Variants in GPR160 observed in about 807,000 individuals in gnomAD.
The protein encoded by GPR160 is probable G protein-coupled receptor 160.
A neutral mutation model predicts 2.6 loss-of-function variants in GPR160; 2 were observed. The observed-to-expected ratio is 0.77, with a 90% CI of 0.32 to 2.44. The LOEUF (loss-of-function observed/expected upper bound fraction) is 2.44, where lower values mean the gene tolerates loss of function less well. GPR160 is among the 30% of genes most tolerant of loss of function. The pLI is 0.11. For missense variants in GPR160, 351 were observed against 383.6 expected, an observed-to-expected ratio of 0.91 and a Z score of 0.71; for synonymous variants, 130 against 132.2, an observed-to-expected ratio of 0.98 and a Z score of 0.12.
chr3:170,080,862 G>A (rs1182920212), intron 3 of GPR160, among the ~76,000 whole-genome samples: 1 of 151,980 alleles, frequency 6.6e-6, no homozygotes, highest in Non-Finnish European at 1.5e-5. Flanking sequence ...CACCACACCC[G>A]AGTAATTTTT....
At chr3:170,044,723 C>T (rs1416000170) in intron 2 of GPR160, among the ~76,000 whole-genome samples, 1 of 152,192 alleles carries the variant, frequency 6.6e-6, no homozygotes, top group Non-Finnish European at 1.5e-5. Context: ...CTCACTGTAG[C>T]TGCTCTGAGC....
At chr3:170,078,239 A>G (rs1289734056) in intron 2 of GPR160, among the ~76,000 whole-genome samples, 5 of 152,138 alleles carry the variant, frequency 3.3e-5, no homozygotes, top group Admixed American at 3.3e-4. Context: ...TCCCAGTAAC[A>G]TCTTTAACAT....
intron 3 of GPR160, among the ~76,000 whole-genome samples, chr3:170,083,094 G>C (rs1411601455): frequency 6.7e-6 from 1 of 149,030 alleles, no homozygotes; most frequent in African/African-American, 2.5e-5. Context: ...TGTGTTTCTT[G>C]AATCTCCTAC....
intron 2 of GPR160, among the ~76,000 whole-genome samples, chr3:170,063,462 A>G (rs1483787183): frequency 2.1e-5 from 3 of 141,600 alleles, no homozygotes; most frequent in African/African-American, 5.3e-5. Context: ...TGAACCCAGG[A>G]GGTGGAGGTT....
chr3:170,067,927 A>G (rs750158573), intron 2 of GPR160, among the ~76,000 whole-genome samples: 4 of 152,028 alleles, frequency 2.6e-5, no homozygotes, highest in Non-Finnish European at 4.4e-5. Context: ...TCAATCCTCT[A>G]TTTCTTGCAA....
intron 2 of GPR160, among the ~76,000 whole-genome samples, chr3:170,052,130 C>T (rs1051391031): frequency 9.2e-5 from 14 of 152,178 alleles, no homozygotes; most frequent in African/African-American, 3.1e-4. Context: ...TTCACCATGT[C>T]GACCAGGTTG....
chr3:170,058,078 T>C (rs1325812178), intron 2 of GPR160: 4 of 152,122 alleles, frequency 2.6e-5, no homozygotes, highest in East Asian at 1.9e-4. Context: ...TTGCAGTAGA[T>C]AAAAATTATG....
intron 2 of GPR160, among the ~76,000 whole-genome samples, chr3:170,078,531 TACAAAG>T (rs1479381198): frequency 6.6e-6 from 1 of 152,004 alleles, no homozygotes; most frequent in Admixed American, 6.5e-5. Flanking sequence ...TTTCAACACT[TACAAAG>T]AGATAAGAAA....
chr3:170,048,374 T>C (rs1486099323), intron 2 of GPR160, among the ~76,000 whole-genome samples: 1 of 152,196 alleles, frequency 6.6e-6, no homozygotes, highest in African/African-American at 2.4e-5. Flanking sequence ...GTACAGTTCA[T>C]CTATGTAACC....
chr3:170,072,065 A>C (rs1036549887), intron 2 of GPR160, among the ~76,000 whole-genome samples: 11 of 141,702 alleles, frequency 7.8e-5, no homozygotes, highest in Non-Finnish European at 1.5e-4. Context: ...TTTGTATACA[A>C]GCTTTTTTTT....
chr3:170,064,466 G>A (rs1712185163), intron 2 of GPR160, among the ~76,000 whole-genome samples: 1 of 150,482 alleles, frequency 6.6e-6, no homozygotes, highest in Admixed American at 6.6e-5. Flanking sequence ...AGGAGTAGGT[G>A]GCGGCCTCGA....
chr3:170,056,649 A>G (rs2108321690), intron 2 of GPR160, among the ~76,000 whole-genome samples: 1 of 152,354 alleles, frequency 6.6e-6, no homozygotes, highest in South Asian at 2.1e-4. Context: ...ATATTAGTGT[A>G]TATGTTTGTA....
chr3:170,085,095 T>C lies in GPR160; in HGVS notation c.*106T>C, dbSNP rs945884542. The C allele has an allele frequency of 4.9e-5, 25 of 514,236 alleles. No homozygotes were observed. The East Asian group carries it at 6.8e-4, about 14-fold the overall frequency. The allele number at this position is 514,236 out of a possible 1,614,324, so 31.9% of individuals were successfully genotyped here. ...CTGAACTAAAACAACTTTTGCCCCC[T>C]GACTGATAGCATTTCAGAATGTGTC... On this transcript the variant is annotated 3_prime_UTR_variant, in exon 4 of 4. Coordinates refer to ENST00000355897, the MANE Select transcript of GPR160 (RefSeq NM_014373.3).
intron 2 of GPR160, among the ~76,000 whole-genome samples, chr3:170,052,869 C>T (rs192228950): frequency 1.7e-4 from 26 of 152,208 alleles, no homozygotes; most frequent in Admixed American, 9.8e-4. Flanking sequence ...CTTGTGATCT[C>T]TCCTGAGTTA....
At chr3:170,082,598 GTTTT>G (rs767848777) in intron 3 of GPR160, among the ~76,000 whole-genome samples, 3 of 144,634 alleles carry the variant, frequency 2.1e-5, no homozygotes, top group African/African-American at 8.7e-5. Flanking sequence ...TTTCTTTCTT[GTTTT>G]TTTCTTTTTT....
In GPR160 at chr3:170,080,716, T is replaced by C. The variant is rs1237269000; in HGVS notation, c.-69+819T>C. ...TGGATGTTGCCTACCTGGCTTTTCT[T>C]TTTGCGACAGAGTGTCAATCTGGCA... On this transcript the variant is annotated intron_variant, in intron 3 of 3. Transcript: ENST00000355897. Among the ~76,000 whole-genome samples the C allele has an allele frequency of 2.0e-5, 3 of 152,128 alleles. No homozygotes were observed. In the East Asian group the frequency reaches 5.8e-4, roughly 29 times the overall value.
In GPR160 at chr3:170,084,410, T is replaced by C. The variant is rs1404076923; in HGVS notation, c.438T>C (p.Ile146=). The C allele has an allele frequency of 1.9e-6, 3 of 1,607,714 alleles. No individual in the cohort carries two copies. Among genetic ancestry groups the C allele is most frequent in the Non-Finnish European group, 2.6e-6 (3 of 1,174,528 alleles). Residue 146 remains isoleucine (I), a synonymous_variant, in exon 4 of 4, where the codon ATT becomes ATC. Transcript: ENST00000355897. The part of the protein sequence containing the change: ...KLFYFFTVIL[I]WISVLAYVLG... Reference sequence around the variant, plus strand: ...TTTATTTCTTTACAGTAATTTTAATTTGGATTTCAGTCCTTGCTTATGTTT... The same window carrying C: ...TTTATTTCTTTACAGTAATTTTAATCTGGATTTCAGTCCTTGCTTATGTTT...
chr3:170,070,562 C>T (rs569701203), intron 2 of GPR160, among the ~76,000 whole-genome samples: 75 of 148,794 alleles, frequency 5.0e-4, no homozygotes, highest in Admixed American at 2.6e-3. Flanking sequence ...AAAAAGTAAA[C>T]ATCACCTCAC....
chr3:170,040,920 A>T (rs1476189168), intron 2 of GPR160, among the ~76,000 whole-genome samples: 1 of 152,046 alleles, frequency 6.6e-6, no homozygotes, highest in South Asian at 2.1e-4. Flanking sequence ...GTGGTAACAC[A>T]TTTTTTTTAA....
Sources: allele counts gnomAD v4.1 joint callset (sites outside exome capture counted in the v4.1 genomes callset), GRCh38; gene constraint gnomAD v4.1.1; transcripts MANE v1.5; gene names NCBI Gene and HGNC (gene_info 2026-07-23, HGNC 2026-07-21).